CSMD1: variants seen among roughly 807,000 people sequenced by gnomAD.
CSMD1 encodes the protein CUB and sushi domain-containing protein 1.
In CSMD1, 213 loss-of-function variants were observed where a neutral mutation model predicts 417.5. The ratio of observed to expected loss-of-function variants is 0.51; its 90% CI spans 0.46 to 0.57. CSMD1 has a LOEUF of 0.57. Among genes scored for constraint, CSMD1 ranks in the 20% least tolerant of loss-of-function variants. The probability of loss-of-function intolerance (pLI) is 0.00; values close to 1 mark genes in which losing one functional copy is unlikely to be tolerated. For synonymous variants in CSMD1, 2,862 were observed against 1,736.8 expected (o/e 1.65, Z -16.11); for missense variants, 6,923 against 4,529.7 (o/e 1.53, Z -15.17).
intron 5 of CSMD1, among the ~76,000 whole-genome samples, chr8:3,760,579 T>C (rs576507879): frequency 1.4e-3 from 216 of 152,348 alleles, no homozygotes; most frequent in African/African-American, 4.5e-3. Context: ...TGTTCTAACA[T>C]TTTACAGCAC....
rs147335258 is a variant in CSMD1 at position 3,228,463 on chromosome 8, G to C, written c.4345+1577C>G. Among the ~76,000 whole-genome samples, 634 of 152,186 alleles carry C rather than the reference G, an allele frequency of 4.2e-3. 7 individuals are homozygous for C. Among genetic ancestry groups the C allele is most frequent in the African/African-American group, 0.014 (585 of 41,514 alleles). ...ACACCTACGCATGTAGGCGGGTCTG[G>C]TTGCCAAAATAATTGATTATTCATC... On this transcript the variant is annotated intron_variant, in intron 27 of 69. Coordinates refer to ENST00000635120, the MANE Select transcript of CSMD1 (RefSeq NM_033225.6).
chr8:3,549,546 T>G (rs1330816850), intron 10 of CSMD1, among the ~76,000 whole-genome samples: 2 of 152,190 alleles, frequency 1.3e-5, no homozygotes, highest in African/African-American at 4.8e-5. Context: ...AATTCATTCA[T>G]GGATGAATGG....
chr8:3,302,428 G>A (rs537994041), intron 25 of CSMD1, among the ~76,000 whole-genome samples: 75 of 152,234 alleles, frequency 4.9e-4, no homozygotes, highest in Middle Eastern at 3.4e-3. Flanking sequence ...CAGTGGCAAT[G>A]TTCCCACCTC....
intron 5 of CSMD1, among the ~76,000 whole-genome samples, chr8:3,974,926 G>T (rs1260061759): frequency 6.6e-6 from 1 of 151,964 alleles, no homozygotes; most frequent in East Asian, 1.9e-4. Context: ...AAATTATCTT[G>T]ATTACTTCGA....
At chr8:4,049,043 A>G (rs1049836954) in intron 3 of CSMD1, among the ~76,000 whole-genome samples, 3 of 152,158 alleles carry the variant, frequency 2.0e-5, no homozygotes, top group Non-Finnish European at 4.4e-5. Context: ...ACCCATCTCA[A>G]CAACTCTCAA....
chr8:4,739,279 G>A (rs1457186), intron 1 of CSMD1, among the ~76,000 whole-genome samples: 104,267 of 152,030 alleles, frequency 0.69, 37,079 homozygotes, highest in East Asian at 0.97. Flanking sequence ...AATTTCACTT[G>A]GAACTCCTAC....
rs555966061 is a variant in CSMD1 at position 3,289,926 on chromosome 8, T to C, written c.3951-5580A>G. On this transcript the variant is annotated intron_variant, in intron 25 of 69. Coordinates refer to ENST00000635120, the MANE Select transcript of CSMD1 (RefSeq NM_033225.6). ...CATGCCTGTGTCCTGAATGGTATTG[T>C]TTAGGTTTTCTTCTAGGGTTTTTAT... Among the ~76,000 whole-genome samples, 11 of 147,518 alleles carry C rather than the reference T, an allele frequency of 7.5e-5. 1 individual carries two copies. Among genetic ancestry groups the C allele is most frequent in the African/African-American group, 1.1e-4 (4 of 37,312 alleles).
At chr8:4,692,223 C>T (rs1806814120) in intron 1 of CSMD1, among the ~76,000 whole-genome samples, 1 of 152,120 alleles carries the variant, frequency 6.6e-6, no homozygotes, top group African/African-American at 2.4e-5. Flanking sequence ...ACCGACCTCA[C>T]TCAAGTCCTC....
chr8:4,660,556 A>G (rs1229702552), intron 1 of CSMD1, among the ~76,000 whole-genome samples: 1 of 152,160 alleles, frequency 6.6e-6, no homozygotes, highest in East Asian at 1.9e-4. Flanking sequence ...AAGGAACTGG[A>G]ATACCTAAAA....
At chr8:3,748,534 G>A (rs576094824) in intron 6 of CSMD1, among the ~76,000 whole-genome samples, 11 of 152,128 alleles carry the variant, frequency 7.2e-5, no homozygotes, top group Non-Finnish European at 1.3e-4. Context: ...CACTTTCCAG[G>A]TTCTAGATAA....
intron 54 of CSMD1, among the ~76,000 whole-genome samples, chr8:2,984,387 T>G (rs1195959457): frequency 6.6e-6 from 1 of 152,004 alleles, no homozygotes; most frequent in Non-Finnish European, 1.5e-5. Context: ...CTTGCTCTGT[T>G]GCCCAGGCTG....
intron 54 of CSMD1, among the ~76,000 whole-genome samples, chr8:2,984,002 T>C (rs190229696): frequency 1.8e-4 from 27 of 152,328 alleles, no homozygotes; most frequent in Admixed American, 1.3e-3. Context: ...CAGTATGAAC[T>C]GGTAACTCCT....
At chr8:3,367,358 T>A in intron 19 of CSMD1, 111 bp from the exon 20 acceptor site, 1 of 669,116 alleles carries the variant, frequency 1.5e-6, no homozygotes, top group Non-Finnish European at 2.6e-6. Flanking sequence ...ATGACAGAGA[T>A]GGAGAGGAAG....
chr8:4,295,116 A>G (rs376092957), intron 3 of CSMD1, among the ~76,000 whole-genome samples: 1,472 of 81,650 alleles, frequency 0.018, 121 homozygotes, highest in Non-Finnish European at 0.032. Context: ...TTAAGATTAC[A>G]CACATATAAT....
chr8:4,927,440 T>G (rs182726188), intron 1 of CSMD1, among the ~76,000 whole-genome samples: 4 of 152,284 alleles, frequency 2.6e-5, no homozygotes, highest in African/African-American at 7.2e-5. Flanking sequence ...TGTGAAAGTT[T>G]AATGTAGGAC....
chr8:4,162,027 T>A (rs901596641), intron 3 of CSMD1, among the ~76,000 whole-genome samples: 23 of 152,192 alleles, frequency 1.5e-4, no homozygotes, highest in African/African-American at 5.1e-4. Context: ...GCCTTCGACT[T>A]TGCTAAACTA....
chr8:4,988,965 A>G (rs574701825), intron 1 of CSMD1, among the ~76,000 whole-genome samples: 21 of 152,356 alleles, frequency 1.4e-4, no homozygotes, highest in Admixed American at 3.9e-4. Flanking sequence ...CCTCAGTATC[A>G]AGGACTAAAG....
chr8:3,852,895 C>G (rs1034270116), intron 5 of CSMD1, among the ~76,000 whole-genome samples: 9 of 152,148 alleles, frequency 5.9e-5, no homozygotes, highest in Non-Finnish European at 1.2e-4. Flanking sequence ...TCCTATTTCT[C>G]TCATTTTAAA....
intron 31 of CSMD1, among the ~76,000 whole-genome samples, chr8:3,205,162 C>T (rs528022102): frequency 3.5e-4 from 53 of 152,298 alleles, no homozygotes; most frequent in Admixed American, 1.4e-3. Context: ...ACACAGAGTT[C>T]TGACCCACCC....
Sources: allele counts gnomAD v4.1 joint callset (sites outside exome capture counted in the v4.1 genomes callset), GRCh38; gene constraint gnomAD v4.1.1; transcripts MANE v1.5; gene names NCBI Gene and HGNC (gene_info 2026-07-23, HGNC 2026-07-21).